SASH1: variants seen among roughly 807,000 people sequenced by gnomAD.
SASH1 encodes SAM and SH3 domain containing 1, also known as SAM and SH3 domain-containing protein 1.
A neutral mutation model predicts 125.2 loss-of-function variants in SASH1; 44 were observed. The observed-to-expected ratio is 0.35, with a 90% CI of 0.28 to 0.45. The LOEUF (loss-of-function observed/expected upper bound fraction) is 0.45, where lower values mean the gene tolerates loss of function less well. Among genes scored for constraint, SASH1 ranks in the 20% least tolerant of loss-of-function variants. The pLI, the probability that SASH1 is intolerant of heterozygous loss-of-function variation, is 1.00. For synonymous variants in SASH1, 639 were observed against 649.1 expected (o/e 0.98, Z 0.24); for missense variants, 1,426 against 1,614.5 (o/e 0.88, Z 2.00).
chr6:148,422,486 C>T (rs922288953), intron 2 of SASH1, among the ~76,000 whole-genome samples: 4 of 152,072 alleles, frequency 2.6e-5, no homozygotes, highest in South Asian at 2.1e-4. Context: ...TTCTGAACAG[C>T]GAGATAAATT....
chr6:148,254,479 C>A, the SASH1 span, among the ~76,000 whole-genome samples: 1 of 152,058 alleles, frequency 6.6e-6, no homozygotes, highest in Non-Finnish European at 1.5e-5. Context: ...GGCAATATAG[C>A]AAGACTCTAT....
upstream of SASH1, among the ~76,000 whole-genome samples, chr6:148,339,715 T>C (rs1781267674): frequency 1.0e-5 from 1 of 99,146 alleles, no homozygotes; most frequent in Non-Finnish European, 2.1e-5. Flanking sequence ...TGGCTAAGTT[T>C]TATATTTTTA....
In SASH1 at chr6:148,519,093, A is replaced by G. The variant is rs1780640274; in HGVS notation, c.863-454A>G. ...AAATGGCATATGTACCAATAAAACAATCACTGTCAGCCACATGACATTTAT... is the reference window on the plus strand; with the variant it reads ...AAATGGCATATGTACCAATAAAACAGTCACTGTCAGCCACATGACATTTAT... On this transcript the variant is annotated intron_variant, in intron 9 of 19. Transcript: ENST00000367467. The surrounding 1 kb of genome is among the most constrained non-coding windows in gnomAD (Gnocchi z 4.8). Among the ~76,000 whole-genome samples, 1 of 152,248 alleles carries G rather than the reference A, an allele frequency of 6.6e-6. No individual in the cohort carries two copies. The highest frequency in any genetic ancestry group is 2.1e-4 in the South Asian group (1 of 4,832).
At chr6:148,299,317 A>T (rs1011340466) in intron 1 of SASH1, among the ~76,000 whole-genome samples, 1 of 148,798 alleles carries the variant, frequency 6.7e-6, no homozygotes, top group Non-Finnish European at 1.5e-5. Context: ...TTAGAAAAGA[A>T]TTTTTTTTTT....
intron 2 of SASH1, among the ~76,000 whole-genome samples, chr6:148,395,734 G>A (rs1356954990): frequency 6.6e-6 from 1 of 152,128 alleles, no homozygotes; most frequent in African/African-American, 2.4e-5. Context: ...CAATCCCTGG[G>A]CACCATGTGT....
intron 1 of SASH1, among the ~76,000 whole-genome samples, chr6:148,355,838 G>A (rs1781909015): frequency 6.6e-6 from 1 of 152,134 alleles, no homozygotes; most frequent in African/African-American, 2.4e-5. Context: ...TACATATGCT[G>A]ATTGGTTTTA....
At chr6:148,236,234 A>G in the SASH1 span, among the ~76,000 whole-genome samples, 74 of 149,400 alleles carry the variant, frequency 5.0e-4, no homozygotes, top group Non-Finnish European at 9.3e-4. Context: ...TTTTTTTTTG[A>G]GATGGACTCT....
chr6:148,475,707 T>C (rs1288555798), intron 7 of SASH1, among the ~76,000 whole-genome samples: 1 of 152,170 alleles, frequency 6.6e-6, no homozygotes, highest in Admixed American at 6.5e-5. Flanking sequence ...GGCACACATA[T>C]ACTCAGTTTA....
In SASH1 at chr6:148,549,499, T is replaced by A. The variant is rs190869110; in HGVS notation, c.*941T>A. On this transcript the variant is annotated 3_prime_UTR_variant, in exon 20 of 20. Transcript: ENST00000367467. Reference sequence around the variant, plus strand: ...ATCGTTACTGTGTGGATCGTCGCGCTGCAGTATTGACTTGGAATCCTGACC... The same window carrying A: ...ATCGTTACTGTGTGGATCGTCGCGCAGCAGTATTGACTTGGAATCCTGACC... 1.5e-5 allele frequency: 6 copies of A among 397,822 alleles called. No homozygotes were observed. The East Asian group carries it at 2.1e-4, about 14-fold the overall frequency. The allele number at this position is 397,822 out of a possible 1,614,324, so 24.6% of individuals were successfully genotyped here.
chr6:148,316,383 T>C (rs954194776), intron 1 of SASH1, among the ~76,000 whole-genome samples: 5 of 152,204 alleles, frequency 3.3e-5, no homozygotes, highest in Admixed American at 2.6e-4. Context: ...CTGAAGCTGT[T>C]TTCTGTGTAG....
the SASH1 span, among the ~76,000 whole-genome samples, chr6:148,239,002 G>T: frequency 6.6e-6 from 1 of 152,152 alleles, no homozygotes; most frequent in South Asian, 2.1e-4. Flanking sequence ...CTGTGAATCT[G>T]CAAAGTACCG....
intron 1 of SASH1, among the ~76,000 whole-genome samples, chr6:148,377,497 A>G (rs1361187044): frequency 6.6e-6 from 1 of 152,210 alleles, no homozygotes; most frequent in Admixed American, 6.5e-5. Flanking sequence ...ATTCAGGAAG[A>G]TCTTTGACTC....
chr6:148,497,483 A>G (rs1267145057), intron 8 of SASH1, among the ~76,000 whole-genome samples: 1 of 152,224 alleles, frequency 6.6e-6, no homozygotes. Context: ...CTCAGACTTG[A>G]GTCAGACCTG....
intron 1 of SASH1, among the ~76,000 whole-genome samples, chr6:148,318,589 G>A (rs1780544289): frequency 7.3e-6 from 1 of 136,938 alleles, no homozygotes; most frequent in African/African-American, 2.7e-5. Context: ...GTCTCTTTCT[G>A]TCGCCGAGGC....
chr6:148,538,130 A>G (rs1011831608), intron 16 of SASH1, among the ~76,000 whole-genome samples: 9 of 152,018 alleles, frequency 5.9e-5, no homozygotes, highest in Non-Finnish European at 5.9e-5. Flanking sequence ...CCTTACGCCA[A>G]CTGTGGTTTT....
intron 1 of SASH1, among the ~76,000 whole-genome samples, chr6:148,389,465 T>C (rs958847701): frequency 6.6e-6 from 1 of 152,258 alleles, no homozygotes; most frequent in African/African-American, 2.4e-5. Flanking sequence ...GCCTAGTGAA[T>C]AATGAGTCTA....
chr6:148,537,776 CTGTGTGTGTGTGTGTGTGTGTG>C (rs55644027), intron 16 of SASH1, among the ~76,000 whole-genome samples: 10,502 of 125,688 alleles, frequency 0.084, 477 homozygotes, highest in Non-Finnish European at 0.1. Flanking sequence ...TTAGCATATT[CTGTGTGTGTGTGTGTGTGTGTG>C]TGTGTGTGTG....
the SASH1 span, among the ~76,000 whole-genome samples, chr6:148,230,371 T>C: frequency 2.2e-4 from 33 of 152,136 alleles, no homozygotes; most frequent in African/African-American, 7.7e-4. Context: ...AGAAATTGAG[T>C]TTCACTATAT....
At chr6:148,424,373 G>A (rs1775713240) in intron 2 of SASH1, among the ~76,000 whole-genome samples, 1 of 151,802 alleles carries the variant, frequency 6.6e-6, no homozygotes, top group African/African-American at 2.4e-5. Flanking sequence ...TTACAGGCAT[G>A]TGCTACCATG....
Sources: gnomAD v4.1 joint callset for allele counts (sites outside exome capture counted in the v4.1 genomes callset) on GRCh38, gnomAD v4.1.1 for gene constraint, Gnocchi (gnomAD v3.1) non-coding constraint, MANE v1.5 for transcripts, NCBI Gene and HGNC (gene_info 2026-07-23, HGNC 2026-07-21) for gene names.